RNF149: variants seen among roughly 807,000 people sequenced by gnomAD.
The protein encoded by RNF149 is ring finger protein 149.
RNF149 carries 21 observed loss-of-function variants against 39.0 expected under a neutral mutation model. The observed-to-expected ratio is 0.54, with a 90% CI of 0.38 to 0.77. RNF149 has a LOEUF of 0.77. Among genes scored for constraint, RNF149 ranks in the 30% least tolerant of loss-of-function variants. The probability of loss-of-function intolerance (pLI) is 0.00; values close to 1 mark genes in which losing one functional copy is unlikely to be tolerated. For missense variants in RNF149, 493 were observed against 534.9 expected (o/e 0.92, Z 0.77); for synonymous variants, 209 against 213.6 (o/e 0.98, Z 0.19).
chr2:101,276,517 T>A lies in RNF149; in HGVS notation c.*721A>T, dbSNP rs1682349084. On this transcript the variant is annotated 3_prime_UTR_variant, in exon 7 of 7. Transcript: ENST00000295317. Reference sequence around the variant, plus strand: ...CTACTCATTTTCCTTAACAAGGCAATGAAGAACTTAATGCTCATGTGCGAT... The same window carrying A: ...CTACTCATTTTCCTTAACAAGGCAAAGAAGAACTTAATGCTCATGTGCGAT... The A allele has an allele frequency of 7.1e-6, 7 of 985,792 alleles. No individual in the cohort carries two copies. Among genetic ancestry groups the A allele is most frequent in the Non-Finnish European group, 7.2e-6 (6 of 829,886 alleles). The allele number at this position is 985,792 out of a possible 1,614,324, so 61.1% of individuals were successfully genotyped here.
intron 1 of RNF149, among the ~76,000 whole-genome samples, chr2:101,296,331 T>C (rs1289941504): frequency 6.6e-6 from 1 of 152,152 alleles, no homozygotes; most frequent in Non-Finnish European, 1.5e-5. Context: ...TTACATGTAT[T>C]TAGCTACAAA....
At chr2:101,284,446 TG>T (rs1194631698) in intron 5 of RNF149, among the ~76,000 whole-genome samples, 1 of 152,108 alleles carries the variant, frequency 6.6e-6, no homozygotes, top group Non-Finnish European at 1.5e-5. Context: ...CTGGGTGTAC[TG>T]GAGTGCAGGT....
At chr2:101,279,605 G>A (rs1474590797) in intron 6 of RNF149, among the ~76,000 whole-genome samples, 1 of 152,186 alleles carries the variant, frequency 6.6e-6, no homozygotes, top group Admixed American at 6.5e-5. Context: ...AAGGGAACAT[G>A]CTGCTTTGCA....
At chr2:101,277,392 A>G (rs1416560425) in intron 6 of RNF149, 111 bp from the exon 7 acceptor site, 40 of 1,412,232 alleles carry the variant, frequency 2.8e-5, no homozygotes, top group Non-Finnish European at 2.2e-5. Context: ...GTAAACAGAA[A>G]AAAAAATTTT....
chr2:101,307,345 G>A (rs1683704973), intron 1 of RNF149, among the ~76,000 whole-genome samples: 1 of 152,012 alleles, frequency 6.6e-6, no homozygotes, highest in Non-Finnish European at 1.5e-5. Flanking sequence ...CCACGTCCAC[G>A]CGATTTTAAG....
chr2:101,291,453 T>TC (rs1683008926), intron 3 of RNF149, among the ~76,000 whole-genome samples: 1 of 149,200 alleles, frequency 6.7e-6, no homozygotes, highest in African/African-American at 2.5e-5. Context: ...CCAGCCTATT[T>TC]TTTTTTTTTT....
At chr2:101,277,504 TC>T (rs34632783) in intron 6 of RNF149, among the ~76,000 whole-genome samples, 26,112 of 152,144 alleles carry the variant, frequency 0.17, 2,832 homozygotes, top group Non-Finnish European at 0.25. Context: ...TTCTCCTGCC[TC>T]AGCCTCCTGG....
At chr2:101,278,871 G>A (rs896556118) in intron 6 of RNF149, among the ~76,000 whole-genome samples, 1 of 152,204 alleles carries the variant, frequency 6.6e-6, no homozygotes, top group African/African-American at 2.4e-5. Flanking sequence ...AGTAGGTGGA[G>A]AGTGATGTAA....
chr2:101,294,010 T>C lies in RNF149; in HGVS notation c.780+4A>G. The stretch of plus-strand genomic sequence containing the variant: ...AAACAAAAGAAAAACCATGAAAATA[T>C]TACCTTTTCTCCATGCTTTACAGTA... On this transcript the variant is annotated splice_donor_region_variant and intron_variant, in intron 3 of 6. Transcript: ENST00000295317. 1 of 1,529,594 alleles carries C rather than the reference T, an allele frequency of 6.5e-7. No homozygotes were observed. The highest frequency in any genetic ancestry group is 9.0e-7 in the Non-Finnish European group (1 of 1,111,092). 94.8% of individuals were successfully genotyped at this position (1,529,594 alleles called of 1,614,324 possible). A position where few individuals can be genotyped will look rare whatever the true frequency, so the allele number is the denominator to read the frequency against.
At position 101,308,661 on chromosome 2, in the gene RNF149, A is replaced by C. The variant is rs949533576; in HGVS notation, c.-73T>G. 47 of 1,329,300 alleles carry C rather than the reference A, an allele frequency of 3.5e-5. No individual in the cohort carries two copies. The highest frequency in any genetic ancestry group is 4.3e-5 in the Non-Finnish European group (44 of 1,015,652). 82.3% of individuals were successfully genotyped at this position (1,329,300 alleles called of 1,614,324 possible). ...GCGGTGCAGTCGAAGAGCAGAGAGA[A>C]GCGGACACCCACCGCCGCCCTGGAA... On this transcript the variant is annotated 5_prime_UTR_variant, in exon 1 of 7. Transcript: ENST00000295317.
Position 101,277,120 on chromosome 2 carries a change from T to G in RNF149, c.*118A>C, listed in dbSNP as rs928081443. Reference sequence around the variant, plus strand: ...CTTTGTATATCAAATCAGAATCTAATAGGTAAAATAATATACATTATTTTC... The same window carrying G: ...CTTTGTATATCAAATCAGAATCTAAGAGGTAAAATAATATACATTATTTTC... On this transcript the variant is annotated 3_prime_UTR_variant, in exon 7 of 7. Transcript: ENST00000295317. 3 of 1,460,850 alleles carry G rather than the reference T, an allele frequency of 2.1e-6. No homozygotes were observed. Among genetic ancestry groups the G allele is most frequent in the Admixed American group, 2.2e-5 (1 of 45,640 alleles). 90.5% of individuals were successfully genotyped at this position (1,460,850 alleles called of 1,614,324 possible).
In RNF149 at chr2:101,277,151, T is replaced by C. The variant is rs994239610; in HGVS notation, c.*87A>G. 5.9e-6 allele frequency: 9 copies of C among 1,528,846 alleles called. No homozygotes were observed. Among genetic ancestry groups the C allele is most frequent in the Non-Finnish European group, 6.2e-6 (7 of 1,127,746 alleles). The allele number at this position is 1,528,846 out of a possible 1,614,324, so 94.7% of individuals were successfully genotyped here. A position where few individuals can be genotyped will look rare whatever the true frequency, so the allele number is the denominator to read the frequency against. ...AAATAATATACATTATTTTCAAATA[T>C]ACAAATTATGTGCTAAAGTAAAAAA... On this transcript the variant is annotated 3_prime_UTR_variant, in exon 7 of 7. Transcript: ENST00000295317.
intron 1 of RNF149, chr2:101,307,795 T>G: frequency 1.2e-5 from 12 of 984,796 alleles, no homozygotes; most frequent in Non-Finnish European, 1.4e-5. Flanking sequence ...TGGGAAGCGG[T>G]GAATGGAAAA....
chr2:101,280,176 AAAT>A (rs535984877), intron 6 of RNF149, among the ~76,000 whole-genome samples: 322 of 148,234 alleles, frequency 2.2e-3, no homozygotes, highest in Non-Finnish European at 2.6e-3. Context: ...ACTCCATCTC[AAAT>A]AATAATAATA....
rs115414616 is a variant in RNF149 at position 101,306,461 on chromosome 2, G to A, written c.460+1668C>T. ...TAGATTTGTAATCACTGGAATAACC[G>A]CACTGAACGTAGTGCCTAGCCCAGT... On this transcript the variant is annotated intron_variant, in intron 1 of 6. Transcript: ENST00000295317. 6.3e-3 allele frequency among the ~76,000 whole-genome samples: 952 copies of A among 152,238 alleles called. 4 individuals carry two copies. Among genetic ancestry groups the A allele is most frequent in the African/African-American group, 0.022 (907 of 41,510 alleles).
chr2:101,307,633 G>A (rs1683720093), intron 1 of RNF149, among the ~76,000 whole-genome samples: 1 of 152,144 alleles, frequency 6.6e-6, no homozygotes, highest in African/African-American at 2.4e-5. Flanking sequence ...TCAGATGCAG[G>A]TTTTCTGACT....
chr2:101,293,541 AT>A (rs1683099500), intron 3 of RNF149, among the ~76,000 whole-genome samples: 1 of 152,192 alleles, frequency 6.6e-6, no homozygotes, highest in Non-Finnish European at 1.5e-5. Context: ...CCATGTCAAA[AT>A]GTTTCTTTTT....
At chr2:101,285,474 T>C (rs995722869) in intron 5 of RNF149, among the ~76,000 whole-genome samples, 7 of 152,156 alleles carry the variant, frequency 4.6e-5, no homozygotes, top group Non-Finnish European at 1.0e-4. Flanking sequence ...TGACAGCACT[T>C]ATACAGCAGC....
chr2:101,288,400 G>A (rs901224510), intron 4 of RNF149, among the ~76,000 whole-genome samples: 1 of 151,874 alleles, frequency 6.6e-6, no homozygotes, highest in African/African-American at 2.4e-5. Flanking sequence ...ACCACACCCG[G>A]CTAATTTTTG....
Sources: gnomAD v4.1 joint callset for allele counts (sites outside exome capture counted in the v4.1 genomes callset) on GRCh38, gnomAD v4.1.1 for gene constraint, MANE v1.5 for transcripts, NCBI Gene and HGNC (gene_info 2026-07-23, HGNC 2026-07-21) for gene names.